SLC17A5: variants seen among roughly 807,000 people sequenced by gnomAD.
SLC17A5 encodes sialin.
In SLC17A5, 47 loss-of-function variants were observed where a neutral mutation model predicts 59.4. That is an observed-to-expected ratio of 0.79 (90% CI 0.63 to 1.01). The LOEUF (loss-of-function observed/expected upper bound fraction) is 1.01. SLC17A5 is among the 50% of genes least tolerant of loss of function. The pLI, the probability that SLC17A5 is intolerant of heterozygous loss-of-function variation, is 0.00. For missense variants in SLC17A5, 522 were observed against 595.5 expected (o/e 0.88, Z 1.28); for synonymous variants, 202 against 210.7 (o/e 0.96, Z 0.36).
At chr6:73,621,172 A>G (rs1037411806) in intron 7 of SLC17A5, among the ~76,000 whole-genome samples, 1 of 151,574 alleles carries the variant, frequency 6.6e-6, no homozygotes, top group Non-Finnish European at 1.5e-5. Flanking sequence ...CGCCTGGTTA[A>G]TTTTGTATTT....
intron 7 of SLC17A5, among the ~76,000 whole-genome samples, chr6:73,620,796 A>C (rs138587221): frequency 1.2e-3 from 183 of 151,320 alleles, no homozygotes; most frequent in African/African-American, 4.1e-3. Flanking sequence ...ACCTCAGCTC[A>C]CTGCAACCTT....
chr6:73,650,177 T>C (rs114697480), intron 1 of SLC17A5, among the ~76,000 whole-genome samples: 3,730 of 124,150 alleles, frequency 0.03, 174 homozygotes, highest in African/African-American at 0.11. Flanking sequence ...CCTGAGCAAC[T>C]AAGTGAGACC....
At chr6:73,651,866 TAA>T (rs941952832) in intron 1 of SLC17A5, among the ~76,000 whole-genome samples, 16 of 152,188 alleles carry the variant, frequency 1.1e-4, no homozygotes, top group African/African-American at 3.9e-4. Context: ...GTAGTTATGT[TAA>T]AAAGAGTCCT....
chr6:73,639,930 C>CA (rs1197870016), intron 3 of SLC17A5, among the ~76,000 whole-genome samples: 1 of 152,174 alleles, frequency 6.6e-6, no homozygotes, highest in African/African-American at 2.4e-5. Context: ...CCTGTAATCC[C>CA]ACCTACTTGG....
chr6:73,617,740 C>T (rs1267392601), intron 7 of SLC17A5, among the ~76,000 whole-genome samples: 2 of 151,808 alleles, frequency 1.3e-5, no homozygotes, highest in Non-Finnish European at 2.9e-5. Context: ...CTAGGGAGGC[C>T]GAGGCAGGAG....
intron 6 of SLC17A5, among the ~76,000 whole-genome samples, chr6:73,625,547 A>G (rs1277213249): frequency 6.6e-6 from 1 of 152,100 alleles, no homozygotes; most frequent in Non-Finnish European, 1.5e-5. Flanking sequence ...AGAAGGAGAG[A>G]GAACATTGAT....
At chr6:73,633,408 T>C (rs1330603735) in intron 6 of SLC17A5, among the ~76,000 whole-genome samples, 1 of 151,884 alleles carries the variant, frequency 6.6e-6, no homozygotes, top group Non-Finnish European at 1.5e-5. Flanking sequence ...CATTTTTCCT[T>C]CTTTTTAGAG....
At chr6:73,612,800 C>T (rs1285773458) in intron 8 of SLC17A5, among the ~76,000 whole-genome samples, 2 of 152,094 alleles carry the variant, frequency 1.3e-5, no homozygotes, top group African/African-American at 4.8e-5. Flanking sequence ...GCCTGTAATT[C>T]CAGCACTTTG....
At chr6:73,640,808 A>G (rs919732561) in intron 3 of SLC17A5, among the ~76,000 whole-genome samples, 1 of 151,748 alleles carries the variant, frequency 6.6e-6, no homozygotes, top group Non-Finnish European at 1.5e-5. Flanking sequence ...AAAAAATGAT[A>G]AAACTATTAA....
chr6:73,601,654 C>A lies in SLC17A5; in HGVS notation c.1260-1213G>T, dbSNP rs1156905799. Among the ~76,000 whole-genome samples, 11 of 97,874 alleles carry A rather than the reference C, an allele frequency of 1.1e-4. 1 individual carries two copies. In the East Asian group the frequency reaches 3.0e-3, roughly 27 times the overall value. 64.2% of individuals were successfully genotyped at this position (97,874 alleles called of 152,430 possible). Reference sequence around the variant, plus strand: ...AGGGAGGTGGGGGGGGGTCAGCCCCCCGCCCAGCCAGATGCCCCGTCCAGG... The same window carrying A: ...AGGGAGGTGGGGGGGGGTCAGCCCCACGCCCAGCCAGATGCCCCGTCCAGG... On this transcript the variant is annotated intron_variant, in intron 9 of 10. Coordinates refer to ENST00000355773, the MANE Select transcript of SLC17A5 (RefSeq NM_012434.5).
chr6:73,593,839 A>C lies in SLC17A5; in HGVS notation c.*1238T>G, dbSNP rs1383553082. ...CAACACTTTGTGAGGCCGAGACAGG[A>C]GGATCGCTTGAAGCCAGGAGTTCAA... is the stretch of plus-strand genomic sequence containing the variant. On this transcript the variant is annotated 3_prime_UTR_variant, in exon 11 of 11. Coordinates refer to ENST00000355773, the MANE Select transcript of SLC17A5 (RefSeq NM_012434.5). The C allele has an allele frequency of 6.6e-6, 1 of 152,102 alleles. No individual in the cohort carries two copies. The highest frequency in any genetic ancestry group is 1.5e-5 in the Non-Finnish European group (1 of 68,022). 9.4% of individuals were successfully genotyped at this position (152,102 alleles called of 1,614,324 possible). A position where few individuals can be genotyped will look rare whatever the true frequency, so the allele number is the denominator to read the frequency against.
chr6:73,615,435 A>AT lies in SLC17A5; in HGVS notation c.990dup (p.Ser331IlefsTer20), dbSNP rs1187332687. 1.9e-6 allele frequency: 3 copies of AT among 1,614,088 alleles called. No individual in the cohort carries two copies. Among genetic ancestry groups the AT allele is most frequent in the Non-Finnish European group, 2.5e-6 (3 of 1,179,970 alleles). ...CAAGAGCCTAAATAAGGCAATGAAG[A>AT]TAAAAACCCATTCTGGAAGGAATAA... is the stretch of plus-strand genomic sequence containing the variant. On this transcript the variant is annotated frameshift_variant, in exon 8 of 11. Transcript: ENST00000355773. LOFTEE classifies it high-confidence loss of function.
intron 6 of SLC17A5, among the ~76,000 whole-genome samples, chr6:73,623,668 T>G: frequency 1.4e-5 from 1 of 69,260 alleles, no homozygotes; most frequent in South Asian, 3.8e-4. Context: ...TTATTTTTAT[T>G]TATTTATTTA....
intron 9 of SLC17A5, among the ~76,000 whole-genome samples, chr6:73,604,132 C>A (rs1767288490): frequency 6.6e-6 from 1 of 152,000 alleles, no homozygotes; most frequent in Non-Finnish European, 1.5e-5. Flanking sequence ...GGCAGAGCCT[C>A]TCTTTTTTTT....
At chr6:73,624,389 G>A (rs1237706617) in intron 6 of SLC17A5, among the ~76,000 whole-genome samples, 1 of 152,288 alleles carries the variant, frequency 6.6e-6, no homozygotes, top group Non-Finnish European at 1.5e-5. Flanking sequence ...GGGCGACAGA[G>A]CGAGACTCTG....
chr6:73,605,768 G>A (rs1313423142), intron 9 of SLC17A5, among the ~76,000 whole-genome samples: 3 of 151,804 alleles, frequency 2.0e-5, no homozygotes, highest in African/African-American at 7.3e-5. Context: ...ACCTGAGGTC[G>A]GGAGTTCGAG....
intron 1 of SLC17A5, among the ~76,000 whole-genome samples, chr6:73,651,001 G>C (rs1349575316): frequency 6.6e-6 from 1 of 152,240 alleles, no homozygotes; most frequent in South Asian, 2.1e-4. Context: ...CCAATTTACA[G>C]TAAATCAGGA....
chr6:73,619,625 A>G (rs140578860), intron 7 of SLC17A5, among the ~76,000 whole-genome samples: 1 of 151,304 alleles, frequency 6.6e-6, no homozygotes, highest in African/African-American at 2.5e-5. Context: ...CTATATAATT[A>G]TAGAATTATT....
intron 7 of SLC17A5, among the ~76,000 whole-genome samples, chr6:73,616,086 G>A (rs370601091): frequency 1.1e-4 from 16 of 151,936 alleles, no homozygotes; most frequent in African/African-American, 2.2e-4. Flanking sequence ...GAGTTTCACC[G>A]TCTTGGCCAG....
Sources: gnomAD v4.1 joint callset for allele counts (sites outside exome capture counted in the v4.1 genomes callset) on GRCh38, gnomAD v4.1.1 for gene constraint, MANE v1.5 for transcripts, NCBI Gene and HGNC (gene_info 2026-07-23, HGNC 2026-07-21) for gene names.